The following SNX29 variants were observed in gnomAD, a reference collection of about 807,000 sequenced individuals.
SNX29 encodes sorting nexin 29.
A neutral mutation model predicts 102.1 loss-of-function variants in SNX29; 78 were observed. The observed-to-expected ratio is 0.76, with a 90% CI of 0.64 to 0.92. The LOEUF is 0.92. Among genes scored for constraint, SNX29 ranks in the 40% least tolerant of loss-of-function variants. The pLI is 0.00. For synonymous variants in SNX29, 580 were observed against 414.5 expected, an observed-to-expected ratio of 1.40 and a Z score of -4.85; for missense variants, 1,280 against 1,061.7, an observed-to-expected ratio of 1.21 and a Z score of -2.86.
chr16:12,219,026 G>A (rs891612412), intron 14 of SNX29, among the ~76,000 whole-genome samples: 8 of 152,066 alleles, frequency 5.3e-5, no homozygotes, highest in Non-Finnish European at 7.4e-5. Flanking sequence ...TGCCCGCCTT[G>A]GCCTCCCAAA....
At position 12,098,094 on chromosome 16, in the gene SNX29, G is replaced by A. The variant is rs1415541258; in HGVS notation, c.1402+19179G>A. Among the ~76,000 whole-genome samples, 2 of 152,196 alleles carry A rather than the reference G, an allele frequency of 1.3e-5. No individual in the cohort carries two copies. Among genetic ancestry groups the A allele is most frequent in the South Asian group, 2.1e-4 (1 of 4,834 alleles). On this transcript the variant is annotated intron_variant, in intron 11 of 20. Coordinates refer to ENST00000566228, the MANE Select transcript of SNX29 (RefSeq NM_032167.5). The surrounding 1 kb of genome is among the most constrained non-coding windows in gnomAD (Gnocchi z 6.0). Reference sequence around the variant, plus strand: ...CTTGCCATGTGCAGTGCCCGCACACGCTGGGCCCAGAGGACGCTCAGTACG... The same window carrying A: ...CTTGCCATGTGCAGTGCCCGCACACACTGGGCCCAGAGGACGCTCAGTACG...
intron 20 of SNX29, among the ~76,000 whole-genome samples, chr16:12,541,227 G>A (rs1055157548): frequency 2.0e-5 from 3 of 152,142 alleles, no homozygotes; most frequent in South Asian, 4.1e-4. Context: ...TGGAGAGAAG[G>A]ACTATGGAAC....
At chr16:12,205,338 T>C (rs1333235183) in intron 14 of SNX29, among the ~76,000 whole-genome samples, 1 of 152,192 alleles carries the variant, frequency 6.6e-6, no homozygotes, top group Non-Finnish European at 1.5e-5. Flanking sequence ...TGTGTGTGTA[T>C]GTGTCCCAAG....
Position 12,542,145 on chromosome 16 carries a change from C to T in SNX29, c.2318+17304C>T, listed in dbSNP as rs8062450. 2.2e-3 allele frequency among the ~76,000 whole-genome samples: 338 copies of T among 152,256 alleles called. 1 individual carries two copies. The highest frequency in any genetic ancestry group is 7.8e-3 in the African/African-American group (326 of 41,558). On this transcript the variant is annotated intron_variant, in intron 20 of 20. Transcript: ENST00000566228. ...GCCAGCATTTCCAATTCAGCCCACG[C>T]TACCTGGGCTCCTGCTGGGTGTCAG...
intron 19 of SNX29, among the ~76,000 whole-genome samples, chr16:12,506,965 C>G (rs566687467): frequency 1.3e-5 from 2 of 152,322 alleles, no homozygotes; most frequent in African/African-American, 2.4e-5. Context: ...AACTGCAGAG[C>G]AAAGACCATG....
At chr16:12,561,650 C>T (rs557347468) in intron 20 of SNX29, among the ~76,000 whole-genome samples, 48 of 152,336 alleles carry the variant, frequency 3.2e-4, no homozygotes, top group African/African-American at 1.1e-3. Context: ...AACAGCCACT[C>T]CTGGGGCCCT....
intron 14 of SNX29, among the ~76,000 whole-genome samples, chr16:12,247,884 T>C (rs189706090): frequency 3.3e-5 from 5 of 152,262 alleles, no homozygotes; most frequent in Admixed American, 3.3e-4. Context: ...AAATCTAACT[T>C]TTATCCCAGA....
At chr16:12,420,481 C>T (rs992115439) in intron 18 of SNX29, among the ~76,000 whole-genome samples, 3 of 152,126 alleles carry the variant, frequency 2.0e-5, no homozygotes, top group African/African-American at 4.8e-5. Context: ...GGAATCAAAC[C>T]TCTGCAGTGA....
At chr16:12,109,879 C>T (rs190884239) in intron 11 of SNX29, among the ~76,000 whole-genome samples, 33 of 152,212 alleles carry the variant, frequency 2.2e-4, no homozygotes, top group Admixed American at 9.2e-4. Flanking sequence ...TACAGGTGTG[C>T]ACTACCACGC....
chr16:12,566,656 C>T (rs377028786), intron 20 of SNX29, among the ~76,000 whole-genome samples: 10 of 151,852 alleles, frequency 6.6e-5, no homozygotes, highest in East Asian at 5.8e-4. Context: ...TTTGAACCAT[C>T]CTCTAAGGAG....
At chr16:12,177,399 A>G (rs1036446220) in intron 13 of SNX29, among the ~76,000 whole-genome samples, 1 of 152,190 alleles carries the variant, frequency 6.6e-6, no homozygotes, top group Admixed American at 6.5e-5. Context: ...TGCCAGTTAT[A>G]TGATTTTTAT....
chr16:12,202,271 CATT>C (rs1255776900), intron 14 of SNX29, among the ~76,000 whole-genome samples: 1 of 151,926 alleles, frequency 6.6e-6, no homozygotes, highest in African/African-American at 2.4e-5. Context: ...CCAAGAGAAT[CATT>C]ATTTAAGCAC....
chr16:12,551,014 C>G (rs914582032), intron 20 of SNX29, among the ~76,000 whole-genome samples: 1 of 152,110 alleles, frequency 6.6e-6, no homozygotes. Context: ...CTTCTCTGGC[C>G]GAGTGATGGG....
chr16:12,349,287 G>A (rs866828055), intron 15 of SNX29, among the ~76,000 whole-genome samples: 1 of 152,190 alleles, frequency 6.6e-6, no homozygotes, highest in Admixed American at 6.5e-5. Flanking sequence ...TCACTCCCTG[G>A]ACCCACCGTG....
intron 11 of SNX29, 76 bp downstream of exon 11, chr16:12,078,991 T>C: frequency 7.7e-7 from 1 of 1,306,504 alleles, no homozygotes; most frequent in Non-Finnish European, 1.1e-6. Flanking sequence ...GCCTTTGTGC[T>C]TCTAACCCTG....
chr16:12,306,947 T>C (rs1370694862), intron 15 of SNX29, among the ~76,000 whole-genome samples: 2 of 152,194 alleles, frequency 1.3e-5, no homozygotes, highest in Non-Finnish European at 2.9e-5. Context: ...CAGGGCTGCC[T>C]GCACCCCCTT....
Position 12,340,458 on chromosome 16 carries a change from G to C in SNX29, c.1783-15705G>C, listed in dbSNP as rs573454517. Among the ~76,000 whole-genome samples the C allele has an allele frequency of 9.6e-4, 146 of 152,336 alleles. 1 individual carries two copies. Among genetic ancestry groups the C allele is most frequent in the African/African-American group, 3.4e-3 (140 of 41,584 alleles). On this transcript the variant is annotated intron_variant, in intron 15 of 20. Coordinates refer to ENST00000566228, the MANE Select transcript of SNX29 (RefSeq NM_032167.5). ...TTCCCTGTTGTATCCCCAGTGTCTA[G>C]ACAGTGCTTGGCATGTAATAGTAAG...
chr16:12,273,934 T>C (rs9926875), intron 14 of SNX29, among the ~76,000 whole-genome samples: 22,865 of 152,228 alleles, frequency 0.15, 1,943 homozygotes, highest in East Asian at 0.35. Flanking sequence ...CTCTCATGGC[T>C]GAATAGTACA....
intron 14 of SNX29, among the ~76,000 whole-genome samples, chr16:12,233,385 A>G (rs1489342816): frequency 1.3e-5 from 2 of 152,218 alleles, no homozygotes; most frequent in Non-Finnish European, 2.9e-5. Flanking sequence ...GGAGCTAAAC[A>G]GTGGGTACTC....
Sources: gnomAD v4.1 joint callset for allele counts (sites outside exome capture counted in the v4.1 genomes callset) on GRCh38, gnomAD v4.1.1 for gene constraint, Gnocchi (gnomAD v3.1) non-coding constraint, MANE v1.5 for transcripts, NCBI Gene and HGNC (gene_info 2026-07-23, HGNC 2026-07-21) for gene names.